The following ENTREP2 variants were observed in gnomAD, a reference collection of about 807,000 sequenced individuals.
ENTREP2 encodes protein ENTREP2.
chr15:29,535,519 A>C, the ENTREP2 span, among the ~76,000 whole-genome samples: 5 of 152,114 alleles, frequency 3.3e-5, no homozygotes, highest in Non-Finnish European at 7.4e-5. Context: ...CTGTCTCTAC[A>C]AAGAAAAAAA....
chr15:29,308,757 GTT>G, the ENTREP2 span, among the ~76,000 whole-genome samples: 1 of 152,186 alleles, frequency 6.6e-6, no homozygotes, highest in Non-Finnish European at 1.5e-5. Flanking sequence ...CTGGCATACT[GTT>G]TTCAGTTAAA....
At chr15:29,293,787 GTCCACACCC>G in the ENTREP2 span, among the ~76,000 whole-genome samples, 1 of 152,212 alleles carries the variant, frequency 6.6e-6, no homozygotes, top group Non-Finnish European at 1.5e-5. Flanking sequence ...GGAGTGTGGG[GTCCACACCC>G]TCCACCCCCG....
At chr15:29,549,463 G>A in the ENTREP2 span, among the ~76,000 whole-genome samples, 1 of 152,138 alleles carries the variant, frequency 6.6e-6, no homozygotes, top group Non-Finnish European at 1.5e-5. Context: ...GTAGAGACGG[G>A]GTTTCACCGT....
chr15:29,674,134 G>GT, the ENTREP2 span, among the ~76,000 whole-genome samples: 2 of 149,816 alleles, frequency 1.3e-5, no homozygotes, highest in East Asian at 1.9e-4. Flanking sequence ...AGGATGGGGG[G>GT]GGGGGGGGGC....
chr15:29,239,190 G>A, the ENTREP2 span, among the ~76,000 whole-genome samples: 546 of 152,246 alleles, frequency 3.6e-3, 2 homozygotes, highest in African/African-American at 0.012. Context: ...ATAAGGATAA[G>A]GTGAAAATTA....
At chr15:29,298,727 TCCATGAAATAAAATCCTACAG>T in the ENTREP2 span, among the ~76,000 whole-genome samples, 2 of 152,140 alleles carry the variant, frequency 1.3e-5, no homozygotes, top group Non-Finnish European at 2.9e-5. Flanking sequence ...TTCAGCACCT[TCCATGAAATAAAATCCTACAG>T]CCAGATGACT....
the ENTREP2 span, among the ~76,000 whole-genome samples, chr15:29,542,967 T>C: frequency 1.3e-5 from 2 of 152,328 alleles, no homozygotes; most frequent in Non-Finnish European, 2.9e-5. Flanking sequence ...TATTGATCCA[T>C]TCATCCAAGG....
the ENTREP2 span, among the ~76,000 whole-genome samples, chr15:29,577,381 T>C: frequency 6.7e-6 from 1 of 150,304 alleles, no homozygotes; most frequent in Non-Finnish European, 1.5e-5. Flanking sequence ...TGTGATAGGG[T>C]GTTACTCTGT....
At chr15:29,356,268 GTATA>G in the ENTREP2 span, among the ~76,000 whole-genome samples, 2,182 of 57,438 alleles carry the variant, frequency 0.038, 169 homozygotes, top group Middle Eastern at 0.054. Context: ...GTGTGTGTGT[GTATA>G]TATATATATA....
chr15:29,152,176 A>G, the ENTREP2 span, among the ~76,000 whole-genome samples: 2 of 152,224 alleles, frequency 1.3e-5, no homozygotes, highest in African/African-American at 4.8e-5. Flanking sequence ...AACACAACCT[A>G]TAACTCAAGT....
chr15:29,174,676 T>A, the ENTREP2 span, among the ~76,000 whole-genome samples: 3 of 141,004 alleles, frequency 2.1e-5, no homozygotes, highest in Non-Finnish European at 4.5e-5. Context: ...GGCGACAGAG[T>A]GAGACTCCAA....
chr15:29,556,523 T>G, the ENTREP2 span, among the ~76,000 whole-genome samples: 1 of 152,156 alleles, frequency 6.6e-6, no homozygotes, highest in African/African-American at 2.4e-5. Flanking sequence ...ACTCATTAGT[T>G]AACTCAGTAT....
At chr15:29,496,435 T>C in the ENTREP2 span, among the ~76,000 whole-genome samples, 5 of 152,022 alleles carry the variant, frequency 3.3e-5, no homozygotes, top group Non-Finnish European at 7.4e-5. Context: ...CCTAATTGCT[T>C]TGACTAGGAT....
At chr15:29,540,358 G>T in the ENTREP2 span, among the ~76,000 whole-genome samples, 1 of 152,034 alleles carries the variant, frequency 6.6e-6, no homozygotes, top group African/African-American at 2.4e-5. Context: ...CTATCCAACT[G>T]TATGATTATA....
chr15:29,464,411 C>T, the ENTREP2 span, among the ~76,000 whole-genome samples: 3 of 152,090 alleles, frequency 2.0e-5, no homozygotes, highest in Non-Finnish European at 2.9e-5. Context: ...ATATACTAGA[C>T]AGATTTTTAA....
At chr15:29,388,545 G>A in the ENTREP2 span, among the ~76,000 whole-genome samples, 5 of 152,182 alleles carry the variant, frequency 3.3e-5, no homozygotes, top group Non-Finnish European at 7.3e-5. Flanking sequence ...AACCATTGTG[G>A]AAGACAGTGT....
the ENTREP2 span, among the ~76,000 whole-genome samples, chr15:29,506,248 T>C: frequency 6.6e-6 from 1 of 152,090 alleles, no homozygotes; most frequent in East Asian, 1.9e-4. Flanking sequence ...CCAAGAAATA[T>C]GGGACTATGT....
the ENTREP2 span, among the ~76,000 whole-genome samples, chr15:29,417,411 C>T: frequency 4.6e-5 from 7 of 152,206 alleles, no homozygotes; most frequent in African/African-American, 9.6e-5. Context: ...AACCAAACAC[C>T]GCATGTTCTC....
chr15:29,537,269 G>A, the ENTREP2 span, among the ~76,000 whole-genome samples: 7 of 152,190 alleles, frequency 4.6e-5, no homozygotes, highest in Middle Eastern at 3.4e-3. Context: ...TCCACGCACC[G>A]CTTTAACCAG....
Sources: allele counts gnomAD v4.1 joint callset (sites outside exome capture counted in the v4.1 genomes callset), GRCh38; gene constraint gnomAD v4.1.1; transcripts MANE v1.5; gene names NCBI Gene and HGNC (gene_info 2026-07-23, HGNC 2026-07-21).